TLR7: variants seen among roughly 807,000 people sequenced by gnomAD.
TLR7 encodes the protein toll-like receptor 7.
TLR7 carries 12 observed loss-of-function variants against 38.3 expected under a neutral mutation model. The ratio of observed to expected loss-of-function variants is 0.31; its 90% CI spans 0.20 to 0.51. The LOEUF (loss-of-function observed/expected upper bound fraction) is 0.51. TLR7 is among the 20% of genes least tolerant of loss of function. TLR7 has a pLI of 0.98. For synonymous variants in TLR7, 285 were observed against 293.8 expected, an observed-to-expected ratio of 0.97 and a Z score of 0.31; for missense variants, 504 against 743.4, an observed-to-expected ratio of 0.68 and a Z score of 3.74.
In TLR7 at chrX:12,889,589, C is replaced by G. The variant is rs1279269498; in HGVS notation, c.*931C>G. The G allele has an allele frequency of 8.9e-6, 1 of 112,346 alleles. No individual in the cohort carries two copies. The highest frequency in any genetic ancestry group is 9.4e-5 in the Admixed American group (1 of 10,621). The allele number at this position is 112,346 out of a possible 1,213,427, so 9.3% of individuals were successfully genotyped here. On this transcript the variant is annotated 3_prime_UTR_variant, in exon 3 of 3. Transcript: ENST00000380659. Reference sequence around the variant, plus strand: ...AGGGAAACAGTAAGAAAGAAAGACACATCCTTACCATAAATGCATATGGTC... The same window carrying G: ...AGGGAAACAGTAAGAAAGAAAGACAGATCCTTACCATAAATGCATATGGTC...
chrX:12,882,154 G>A (rs1412788886), intron 2 of TLR7, among the ~76,000 whole-genome samples: 1 of 111,973 alleles, frequency 8.9e-6, no homozygotes, highest in Non-Finnish European at 1.9e-5. Context: ...GGGAAAGATG[G>A]CTCAAGGTCA....
intron 2 of TLR7, among the ~76,000 whole-genome samples, chrX:12,884,293 G>A (rs1344274537): frequency 8.9e-6 from 1 of 112,002 alleles, no homozygotes; most frequent in Non-Finnish European, 1.9e-5. Flanking sequence ...GTAGGCATTT[G>A]GTTTCTTAGA....
At chrX:12,875,354 T>C (rs772839711) in intron 2 of TLR7, among the ~76,000 whole-genome samples, 43 of 112,318 alleles carry the variant, frequency 3.8e-4, no homozygotes, top group African/African-American at 1.3e-3. Context: ...CCCTACTTTG[T>C]CTAGCACAGT....
chrX:12,885,809 G>A lies in TLR7; in HGVS notation c.301G>A (p.Val101Ile). ...AGAGATCGATTTCAGATGCAACTGT[G>A]TACCTATTCCACTGGGGTCAAAAAA... is the stretch of plus-strand genomic sequence containing the variant. ...LVEIDFRCNCVPIPLGSKNNM... is the reference protein window; with the variant it reads ...LVEIDFRCNCIPIPLGSKNNM... The change falls in exon 3 of 3, where the codon GTA (valine) becomes ATA (isoleucine). Residue 101 changes from valine to isoleucine, a missense_variant. Val to Ile is a conservative substitution (Grantham distance 29). Coordinates refer to ENST00000380659, the MANE Select transcript of TLR7 (RefSeq NM_016562.4). 1 of 1,211,915 alleles carries A rather than the reference G, an allele frequency of 8.3e-7. No individual in the cohort carries two copies. Among genetic ancestry groups the A allele is most frequent in the African/African-American group, 1.7e-5 (1 of 57,829 alleles).
chrX:12,885,113 A>G (rs1173722203), intron 2 of TLR7, among the ~76,000 whole-genome samples: 2 of 112,610 alleles, frequency 1.8e-5, no homozygotes, highest in African/African-American at 6.5e-5. Context: ...GCAGGCCGAC[A>G]TAAATTGCAC....
intron 2 of TLR7, among the ~76,000 whole-genome samples, chrX:12,873,773 ATTATATG>A (rs1291030614): frequency 8.9e-6 from 1 of 112,196 alleles, no homozygotes; most frequent in African/African-American, 3.2e-5. Context: ...TCATAAATGC[ATTATATG>A]TTATATGTTA....
chrX:12,871,855 G>A (rs1479846145), intron 2 of TLR7, among the ~76,000 whole-genome samples: 3 of 111,341 alleles, frequency 2.7e-5, no homozygotes, highest in East Asian at 2.8e-4. Context: ...AAATAAAAGC[G>A]TTCCCCAGGC....
intron 2 of TLR7, among the ~76,000 whole-genome samples, chrX:12,876,071 G>A (rs1450576386): frequency 1.8e-5 from 2 of 108,512 alleles, no homozygotes; most frequent in East Asian, 5.8e-4. Flanking sequence ...CAATTCTCCT[G>A]CGTCAGCCTC....
intron 2 of TLR7, among the ~76,000 whole-genome samples, chrX:12,875,378 T>C (rs766100837): frequency 3.6e-5 from 4 of 111,940 alleles, no homozygotes; most frequent in African/African-American, 6.5e-5. Flanking sequence ...TTGCACAGAG[T>C]AGATTCTCAA....
At chrX:12,870,016 C>T (rs940606067) in intron 2 of TLR7, among the ~76,000 whole-genome samples, 1 of 109,431 alleles carries the variant, frequency 9.1e-6, no homozygotes, top group African/African-American at 3.3e-5. Flanking sequence ...GGATAAGTAC[C>T]GTGTATTCCT....
At chrX:12,883,590 G>A (rs2042899853) in intron 2 of TLR7, among the ~76,000 whole-genome samples, 1 of 111,533 alleles carries the variant, frequency 9.0e-6, no homozygotes, top group African/African-American at 3.3e-5. Context: ...GCTGAGGTGG[G>A]ACGATCGCTT....
At chrX:12,883,841 G>T (rs179011) in intron 2 of TLR7, among the ~76,000 whole-genome samples, 28,685 of 110,077 alleles carry the variant, frequency 0.26, 3,154 homozygotes, top group African/African-American at 0.4. Flanking sequence ...AAAGATAGGG[G>T]GGTGACAAGA....
intron 2 of TLR7, among the ~76,000 whole-genome samples, chrX:12,868,867 G>T (rs2042842693): frequency 8.9e-6 from 1 of 112,005 alleles, no homozygotes; most frequent in Non-Finnish European, 1.9e-5. Context: ...TAGAAACCCA[G>T]ATGTCTATTT....
Position 12,885,535 on chromosome X carries a change from G to T in TLR7, c.27G>T (p.Lys9Asn), listed in dbSNP as rs1191062173. 4.2e-6 allele frequency: 5 copies of T among 1,201,868 alleles called. No individual in the cohort carries two copies. In the African/African-American group the frequency reaches 8.8e-5, roughly 21 times the overall value. The part of the protein sequence containing the change: MVFPMWTL[K>N]RQILILFNII... ...AGGTGTTTCCAATGTGGACACTGAA[G>T]AGACAAATTCTTATCCTTTTTAACA... The change falls in exon 3 of 3, where the codon AAG (lysine) becomes AAT (asparagine). Residue 9 changes from lysine to asparagine, a missense_variant. Lys to Asn is a moderately conservative substitution (Grantham distance 94, BLOSUM62 0). Coordinates refer to ENST00000380659, the MANE Select transcript of TLR7 (RefSeq NM_016562.4).
chrX:12,867,252 A>T (rs1444387997), intron 1 of TLR7, 129 bp downstream of exon 1: 4 of 193,890 alleles, frequency 2.1e-5, no homozygotes, highest in Non-Finnish European at 3.8e-5. Flanking sequence ...GAATATAAAT[A>T]AAAAATGTGG....
intron 2 of TLR7, among the ~76,000 whole-genome samples, chrX:12,878,757 T>TGA (rs5743758): frequency 0.04 from 4,414 of 111,674 alleles, 220 homozygotes; most frequent in African/African-American, 0.14. Flanking sequence ...TCAACTACCC[T>TGA]GAGGCTGCAT....
At chrX:12,880,050 G>A (rs5743762) in intron 2 of TLR7, among the ~76,000 whole-genome samples, 46 of 111,887 alleles carry the variant, frequency 4.1e-4, no homozygotes, top group Non-Finnish European at 6.2e-4. Flanking sequence ...AGGAACTAAT[G>A]GTCTTTCTAC....
chrX:12,888,733 A>C lies in TLR7; in HGVS notation c.*75A>C. Reference sequence around the variant, plus strand: ...TGTTTAAATTGTTTTCATATATATCACACCAAAAGCGTGTTTTGAAATTCT... The same window carrying C: ...TGTTTAAATTGTTTTCATATATATCCCACCAAAAGCGTGTTTTGAAATTCT... On this transcript the variant is annotated 3_prime_UTR_variant, in exon 3 of 3. Coordinates refer to ENST00000380659, the MANE Select transcript of TLR7 (RefSeq NM_016562.4). 1 of 1,039,463 alleles carries C rather than the reference A, an allele frequency of 9.6e-7. No individual in the cohort carries two copies. The highest frequency in any genetic ancestry group is 1.3e-6 in the Non-Finnish European group (1 of 779,583). The allele number at this position is 1,039,463 out of a possible 1,213,427, so 85.7% of individuals were successfully genotyped here. A position where few individuals can be genotyped will look rare whatever the true frequency, so the allele number is the denominator to read the frequency against.
chrX:12,879,518 T>C (rs750880082), intron 2 of TLR7, among the ~76,000 whole-genome samples: 1 of 111,911 alleles, frequency 8.9e-6, no homozygotes, highest in Non-Finnish European at 1.9e-5. Context: ...TAAGGAAGGA[T>C]CTGGATGCTC....
Sources: gnomAD v4.1 joint callset for allele counts (sites outside exome capture counted in the v4.1 genomes callset) on GRCh38, gnomAD v4.1.1 for gene constraint, MANE v1.5 for transcripts, NCBI Gene and HGNC (gene_info 2026-07-23, HGNC 2026-07-21) for gene names.